The following DTNB variants were observed in gnomAD, a reference collection of about 807,000 sequenced individuals.
The protein encoded by DTNB is dystrobrevin beta, also known as DTN-B.
A neutral mutation model predicts 90.7 loss-of-function variants in DTNB; 63 were observed. That is an observed-to-expected ratio of 0.69 (90% CI 0.57 to 0.86). The LOEUF (loss-of-function observed/expected upper bound fraction) is 0.86. Among genes scored for constraint, DTNB ranks in the 40% least tolerant of loss-of-function variants. The probability of loss-of-function intolerance (pLI) is 0.00; values close to 1 mark genes in which losing one functional copy is unlikely to be tolerated. For missense variants in DTNB, 744 were observed against 807.1 expected, an observed-to-expected ratio of 0.92 and a Z score of 0.95; for synonymous variants, 277 against 286.7, an observed-to-expected ratio of 0.97 and a Z score of 0.34.
At chr2:25,586,379 G>A (rs933993992) in intron 6 of DTNB, among the ~76,000 whole-genome samples, 1 of 151,598 alleles carries the variant, frequency 6.6e-6, no homozygotes, top group African/African-American at 2.4e-5. Flanking sequence ...GTGCGGTGGT[G>A]GGCACCTGTA....
intron 8 of DTNB, among the ~76,000 whole-genome samples, chr2:25,536,511 G>A (rs878937257): frequency 2.0e-5 from 3 of 152,272 alleles, no homozygotes; most frequent in East Asian, 1.9e-4. Context: ...AGACCAGCCC[G>A]GTCAACACGG....
chr2:25,526,382 TATATATATATA>T (rs1361148717), intron 9 of DTNB, among the ~76,000 whole-genome samples: 4 of 53,722 alleles, frequency 7.4e-5, no homozygotes, highest in East Asian at 7.8e-4. Context: ...TATATATATA[TATATATATATA>T]TATTTTTTTT....
chr2:25,516,560 A>G (rs1053529757), intron 9 of DTNB, among the ~76,000 whole-genome samples: 3 of 151,004 alleles, frequency 2.0e-5, no homozygotes, highest in Non-Finnish European at 3.0e-5. Context: ...GCCTCCCATC[A>G]CTTTAGAAAA....
Position 25,424,728 on chromosome 2 carries a change from T to C in DTNB, c.1554+2807A>G, listed in dbSNP as rs897432609. Among the ~76,000 whole-genome samples, 2 of 151,356 alleles carry C rather than the reference T, an allele frequency of 1.3e-5. No individual in the cohort carries two copies. The highest frequency in any genetic ancestry group is 2.4e-5 in the African/African-American group (1 of 41,132). ...TCTGACCCTGGCTGGAGTGCAGTGG[T>C]GTAATCTCTGCTCACTGCAGCCTCC... On this transcript the variant is annotated intron_variant, in intron 15 of 20. Transcript: ENST00000406818. This position sits in a 1 kb window ranked among gnomAD's most constrained non-coding sequence, Gnocchi z 4.1.
intron 8 of DTNB, among the ~76,000 whole-genome samples, chr2:25,565,537 G>A (rs2058896687): frequency 6.6e-6 from 1 of 152,084 alleles, no homozygotes; most frequent in Non-Finnish European, 1.5e-5. Flanking sequence ...GAGCCACTCT[G>A]ACTGACCACT....
chr2:25,486,838 G>A (rs2066292815), intron 9 of DTNB, among the ~76,000 whole-genome samples: 1 of 152,116 alleles, frequency 6.6e-6, no homozygotes, highest in African/African-American at 2.4e-5. Context: ...TGTAAAACCA[G>A]TTGAATACCT....
chr2:25,503,339 T>C (rs989592853), intron 9 of DTNB, among the ~76,000 whole-genome samples: 1 of 151,780 alleles, frequency 6.6e-6, no homozygotes, highest in Non-Finnish European at 1.5e-5. Flanking sequence ...AAAAAAATTT[T>C]AAAAATTAGA....
chr2:25,470,245 T>C (rs1027092163), intron 10 of DTNB, among the ~76,000 whole-genome samples: 1 of 152,122 alleles, frequency 6.6e-6, no homozygotes, highest in African/African-American at 2.4e-5. Flanking sequence ...CAAAAAAATA[T>C]TCCAGTGAAA....
At chr2:25,428,569 G>C (rs1016343087) in intron 14 of DTNB, among the ~76,000 whole-genome samples, 7 of 151,976 alleles carry the variant, frequency 4.6e-5, no homozygotes. Flanking sequence ...AAATAGCTGG[G>C]ATTACAGGCA....
chr2:25,631,351 G>A (rs549452350), intron 3 of DTNB, among the ~76,000 whole-genome samples: 39 of 152,134 alleles, frequency 2.6e-4, no homozygotes, highest in Non-Finnish European at 1.5e-5. Context: ...TCCTGGCTTA[G>A]CTTGAAGCCA....
At chr2:25,576,739 C>A in intron 8 of DTNB, 99 bp downstream of exon 8, 1 of 1,378,166 alleles carries the variant, frequency 7.3e-7, no homozygotes, top group Non-Finnish European at 9.6e-7. Context: ...CTATATCACA[C>A]CCTTATTTGG....
At chr2:25,487,039 T>G (rs896949811) in intron 9 of DTNB, among the ~76,000 whole-genome samples, 2 of 152,220 alleles carry the variant, frequency 1.3e-5, no homozygotes, top group South Asian at 4.1e-4. Flanking sequence ...GTAGAAAGTA[T>G]CTGGTAGTCA....
chr2:25,634,419 T>G lies in DTNB; in HGVS notation c.148+4595A>C, dbSNP rs1467006907. On this transcript the variant is annotated intron_variant, in intron 3 of 20. Coordinates refer to ENST00000406818, the MANE Select transcript of DTNB (RefSeq NM_021907.5). ...CCCCCCCGCCCGGCCACCCGCCCCG[T>G]CCGGGAGGGAGGTGGGGGGGTCAGC... Among the ~76,000 whole-genome samples, 62 of 141,194 alleles carry G rather than the reference T, an allele frequency of 4.4e-4. 2 individuals carry two copies. The highest frequency in any genetic ancestry group is 1.6e-3 in the African/African-American group (60 of 37,888). The allele number at this position is 141,194 out of a possible 152,430, so 92.6% of individuals were successfully genotyped here. A position where few individuals can be genotyped will look rare whatever the true frequency, so the allele number is the denominator to read the frequency against.
Position 25,388,213 on chromosome 2 carries a change from G to T in DTNB, c.1724C>A (p.Ala575Asp). 1 of 1,574,858 alleles carries T rather than the reference G, an allele frequency of 6.3e-7. No individual in the cohort carries two copies. Residue 575 changes from alanine (A) to aspartate (D), a missense_variant, in exon 17 of 21, where the codon GCC becomes GAC. Ala to Asp is a moderately radical substitution (Grantham distance 126). Coordinates refer to ENST00000406818, the MANE Select transcript of DTNB (RefSeq NM_021907.5). ...CTCCAGAAACTCACCTTGTGCGAAGGCCTCCTGCACGTCTCCCCCGACTCC... is the reference window on the plus strand; with the variant it reads ...CTCCAGAAACTCACCTTGTGCGAAGTCCTCCTGCACGTCTCCCCCGACTCC... ...LSGVGGDVQE[A>D]FAQGTRRNLR...
intron 10 of DTNB, among the ~76,000 whole-genome samples, chr2:25,477,486 G>A (rs576407440): frequency 1.4e-4 from 22 of 151,820 alleles, no homozygotes; most frequent in Non-Finnish European, 2.9e-4. Context: ...ATAAAATCTC[G>A]CCTTTACCTA....
In DTNB at chr2:25,404,911, C is replaced by T. The variant is rs111456552; in HGVS notation, c.1575+14604G>A. ...GAAAACTACACAACCCGTGGAAAAT[C>T]CAACTCGCCACCATTATTATTTTTT... On this transcript the variant is annotated intron_variant, in intron 16 of 20. Coordinates refer to ENST00000406818, the MANE Select transcript of DTNB (RefSeq NM_021907.5). Among the ~76,000 whole-genome samples the T allele has an allele frequency of 6.0e-4, 92 of 152,128 alleles. No individual in the cohort carries two copies. In the Middle Eastern group the frequency reaches 0.017, roughly 28 times the overall value.
At chr2:25,482,531 T>C (rs2065177524) in intron 10 of DTNB, among the ~76,000 whole-genome samples, 1 of 152,134 alleles carries the variant, frequency 6.6e-6, no homozygotes, top group African/African-American at 2.4e-5. Flanking sequence ...GCTCTGACAC[T>C]GCCACCACTG....
At chr2:25,607,379 T>C (rs2067347911) in intron 4 of DTNB, 58 bp from the exon 5 acceptor site, 1 of 1,513,774 alleles carries the variant, frequency 6.6e-7, no homozygotes, top group Non-Finnish European at 9.0e-7. Flanking sequence ...AGGACTCGAA[T>C]GTATCACTAA....
intron 16 of DTNB, among the ~76,000 whole-genome samples, chr2:25,408,538 CAAAAAAAA>C (rs11395783): frequency 2.1e-4 from 7 of 32,728 alleles, no homozygotes; most frequent in African/African-American, 6.6e-4. Flanking sequence ...GACTCCATCT[CAAAAAAAA>C]AAAAAAAAAA....
Sources: allele counts gnomAD v4.1 joint callset (sites outside exome capture counted in the v4.1 genomes callset), GRCh38; gene constraint gnomAD v4.1.1; non-coding constraint Gnocchi (gnomAD v3.1); transcripts MANE v1.5; gene names NCBI Gene and HGNC (gene_info 2026-07-23, HGNC 2026-07-21).